CSMD1: variants seen among roughly 807,000 people sequenced by gnomAD.
CSMD1 encodes CUB and sushi domain-containing protein 1.
In CSMD1, 213 loss-of-function variants were observed where a neutral mutation model predicts 417.5. The observed-to-expected ratio is 0.51, with a 90% CI of 0.46 to 0.57. The LOEUF is 0.57. CSMD1 is among the 20% of genes least tolerant of loss of function. The pLI is 0.00. For missense variants in CSMD1, 6,923 were observed against 4,529.7 expected (o/e 1.53, Z -15.17); for synonymous variants, 2,862 against 1,736.8 (o/e 1.65, Z -16.11).
At chr8:3,488,509 T>G (rs1005878048) in intron 11 of CSMD1, among the ~76,000 whole-genome samples, 1 of 152,172 alleles carries the variant, frequency 6.6e-6, no homozygotes. Context: ...AATACAAAAT[T>G]TATAGCAGTA....
At chr8:4,068,619 TA>T (rs1799382543) in intron 3 of CSMD1, among the ~76,000 whole-genome samples, 1 of 152,176 alleles carries the variant, frequency 6.6e-6, no homozygotes, top group Non-Finnish European at 1.5e-5. Flanking sequence ...CTAGTTCATA[TA>T]ATGTTACCAT....
chr8:4,337,693 A>T (rs1217098592), intron 3 of CSMD1, among the ~76,000 whole-genome samples: 1 of 152,164 alleles, frequency 6.6e-6, no homozygotes, highest in Non-Finnish European at 1.5e-5. Flanking sequence ...TAAGCATGCC[A>T]ACTTTTAAAA....
chr8:4,162,837 T>A (rs1172001046), intron 3 of CSMD1, among the ~76,000 whole-genome samples: 1 of 152,166 alleles, frequency 6.6e-6, no homozygotes, highest in Admixed American at 6.5e-5. Flanking sequence ...ATGCTATGTG[T>A]TCACCATTGC....
chr8:3,652,117 T>TACCACCATCAGAGCGCTTACC (rs34454776), intron 7 of CSMD1, among the ~76,000 whole-genome samples: 8 of 125,924 alleles, frequency 6.4e-5, no homozygotes, highest in South Asian at 2.8e-4. Context: ...TCAGCACGCT[T>TACCACCATCAGAGCGCTTACC]ACCATCAGAG....
At chr8:4,782,300 A>G (rs923562095) in intron 1 of CSMD1, among the ~76,000 whole-genome samples, 22 of 152,222 alleles carry the variant, frequency 1.4e-4, no homozygotes, top group African/African-American at 5.3e-4. Flanking sequence ...GATGATGAAT[A>G]TGCTAGTTAC....
chr8:4,046,881 G>A (rs1798175010), intron 3 of CSMD1, among the ~76,000 whole-genome samples: 1 of 152,088 alleles, frequency 6.6e-6, no homozygotes, highest in Non-Finnish European at 1.5e-5. Flanking sequence ...CAGAGAATGT[G>A]ACAATGAGGC....
intron 5 of CSMD1, among the ~76,000 whole-genome samples, chr8:3,771,854 G>C (rs1228652309): frequency 6.6e-6 from 1 of 152,024 alleles, no homozygotes; most frequent in Non-Finnish European, 1.5e-5. Flanking sequence ...CCTTGTCCTT[G>C]CTTTGCCCAC....
chr8:4,092,729 T>C (rs1195534226), intron 3 of CSMD1, among the ~76,000 whole-genome samples: 2 of 152,190 alleles, frequency 1.3e-5, no homozygotes, highest in Non-Finnish European at 2.9e-5. Flanking sequence ...TGACAACTTT[T>C]TAACTTCCAC....
intron 1 of CSMD1, among the ~76,000 whole-genome samples, chr8:4,938,342 C>T (rs1807761177): frequency 6.6e-6 from 1 of 152,148 alleles, no homozygotes; most frequent in Non-Finnish European, 1.5e-5. Flanking sequence ...TGCAACATTT[C>T]AAAGATTCCA....
chr8:3,668,081 C>T (rs1229618286), intron 7 of CSMD1, among the ~76,000 whole-genome samples: 3 of 152,164 alleles, frequency 2.0e-5, no homozygotes. Context: ...CAGGTGCAGT[C>T]ATTCTACCCC....
intron 23 of CSMD1, among the ~76,000 whole-genome samples, chr8:3,333,071 G>C (rs1434537185): frequency 6.6e-6 from 1 of 152,186 alleles, no homozygotes; most frequent in Non-Finnish European, 1.5e-5. Context: ...GAAGACCACA[G>C]CCACGTGGCA....
chr8:3,097,077 A>G, intron 46 of CSMD1, 40 bp from the exon 47 acceptor site: 5 of 1,438,774 alleles, frequency 3.5e-6, no homozygotes, highest in Non-Finnish European at 4.7e-6. Flanking sequence ...CTTTAATAAA[A>G]TGATTCCAAC....
At chr8:4,364,936 G>C in intron 3 of CSMD1, among the ~76,000 whole-genome samples, 1 of 146,520 alleles carries the variant, frequency 6.8e-6, no homozygotes, top group Non-Finnish European at 1.5e-5. Flanking sequence ...CTAAATCAAA[G>C]CACCCGACAA....
chr8:4,219,676 C>G (rs1458053250), intron 3 of CSMD1, among the ~76,000 whole-genome samples: 5 of 152,180 alleles, frequency 3.3e-5, no homozygotes, highest in Non-Finnish European at 5.9e-5. Flanking sequence ...TTGGATAATA[C>G]TGCTACACAA....
intron 2 of CSMD1, among the ~76,000 whole-genome samples, chr8:4,582,153 G>C (rs1026946758): frequency 2.0e-5 from 3 of 151,622 alleles, no homozygotes; most frequent in African/African-American, 7.3e-5. Context: ...ATCCTTCCCT[G>C]GCATGTCTGT....
chr8:4,958,369 C>G (rs1225563487), intron 1 of CSMD1, among the ~76,000 whole-genome samples: 1 of 152,060 alleles, frequency 6.6e-6, no homozygotes, highest in Admixed American at 6.6e-5. Flanking sequence ...TCTTTACCCA[C>G]CTATTTTAAA....
intron 1 of CSMD1, among the ~76,000 whole-genome samples, chr8:4,959,977 T>A (rs981262607): frequency 4.6e-5 from 7 of 152,220 alleles, no homozygotes; most frequent in Non-Finnish European, 1.0e-4. Context: ...TGTATTTTGT[T>A]ACTGACTTAT....
At chr8:3,542,130 T>A (rs190055836) in intron 10 of CSMD1, among the ~76,000 whole-genome samples, 48 of 152,368 alleles carry the variant, frequency 3.2e-4, no homozygotes, top group Non-Finnish European at 6.6e-4. Context: ...TTTTATTTCC[T>A]ATGGAAATCC....
intron 3 of CSMD1, among the ~76,000 whole-genome samples, chr8:4,209,228 T>A (rs766916051): frequency 1.2e-4 from 17 of 143,300 alleles, no homozygotes; most frequent in Non-Finnish European, 2.4e-4. Context: ...AAAAAGACAC[T>A]TGCCCAGATT....
Sources: gnomAD v4.1 joint callset for allele counts (sites outside exome capture counted in the v4.1 genomes callset) on GRCh38, gnomAD v4.1.1 for gene constraint, MANE v1.5 for transcripts, NCBI Gene and HGNC (gene_info 2026-07-23, HGNC 2026-07-21) for gene names.